The following CDH12 variants were observed in gnomAD, a reference collection of about 807,000 sequenced individuals.
CDH12 encodes cadherin-12.
In CDH12, 41 loss-of-function variants were observed where a neutral mutation model predicts 74.1. The ratio of observed to expected loss-of-function variants is 0.55; its 90% CI spans 0.43 to 0.72. The LOEUF (loss-of-function observed/expected upper bound fraction) is 0.72. Among genes scored for constraint, CDH12 ranks in the 30% least tolerant of loss-of-function variants. The pLI is 0.00. For missense variants in CDH12, 945 were observed against 977.2 expected (o/e 0.97, Z 0.44); for synonymous variants, 399 against 355.0 (o/e 1.12, Z -1.39).
chr5:22,067,282 C>T (rs886655414), intron 5 of CDH12, among the ~76,000 whole-genome samples: 2 of 152,236 alleles, frequency 1.3e-5, no homozygotes, highest in South Asian at 4.2e-4. Context: ...AAATGTATTG[C>T]CATCTACCTC....
chr5:22,086,323 A>C (rs1743064320), intron 4 of CDH12, among the ~76,000 whole-genome samples: 2 of 150,944 alleles, frequency 1.3e-5, no homozygotes. Flanking sequence ...AATTTTATTT[A>C]TATATTTATT....
intron 1 of CDH12, among the ~76,000 whole-genome samples, chr5:22,744,474 T>C (rs1745195946): frequency 6.6e-6 from 1 of 152,130 alleles, no homozygotes; most frequent in Non-Finnish European, 1.5e-5. Context: ...ATACAATGCG[T>C]AAATGTGAAT....
chr5:22,673,594 T>G (rs1232317011), intron 1 of CDH12, among the ~76,000 whole-genome samples: 2 of 152,162 alleles, frequency 1.3e-5, no homozygotes, highest in Non-Finnish European at 2.9e-5. Flanking sequence ...TTTTGCTTAT[T>G]TCTAATGATA....
chr5:21,772,590 T>C (rs1177111193), intron 11 of CDH12, among the ~76,000 whole-genome samples: 11 of 152,206 alleles, frequency 7.2e-5, no homozygotes, highest in African/African-American at 2.7e-4. Context: ...GAATCTTTGA[T>C]ACTAAGAAGT....
chr5:22,486,618 A>T (rs1746611527), intron 2 of CDH12, among the ~76,000 whole-genome samples: 1 of 151,586 alleles, frequency 6.6e-6, no homozygotes, highest in Admixed American at 6.6e-5. Flanking sequence ...TTCCTGGCTA[A>T]TTTTTTTGTA....
chr5:22,077,266 A>C (rs10040639), intron 5 of CDH12, among the ~76,000 whole-genome samples: 47,431 of 151,952 alleles, frequency 0.31, 8,458 homozygotes, highest in African/African-American at 0.5. Flanking sequence ...TATTTAAAGA[A>C]CTTTTCCACT....
At chr5:22,643,711 G>A (rs1739272942) in intron 1 of CDH12, among the ~76,000 whole-genome samples, 1 of 125,100 alleles carries the variant, frequency 8.0e-6, no homozygotes. Context: ...TCATTTTATT[G>A]CGCTTTTGGA....
At chr5:21,923,051 T>C (rs961637180) in intron 6 of CDH12, among the ~76,000 whole-genome samples, 3 of 152,064 alleles carry the variant, frequency 2.0e-5, no homozygotes, top group Admixed American at 2.0e-4. Context: ...TAAACACATA[T>C]TTAAGCAAAG....
At chr5:22,208,333 C>G (rs1247858980) in intron 4 of CDH12, among the ~76,000 whole-genome samples, 2 of 152,144 alleles carry the variant, frequency 1.3e-5, no homozygotes, top group African/African-American at 4.8e-5. Context: ...GCCTGGAATA[C>G]GATACGGGAT....
At chr5:21,927,716 G>A (rs960935500) in intron 6 of CDH12, among the ~76,000 whole-genome samples, 1 of 152,058 alleles carries the variant, frequency 6.6e-6, no homozygotes, top group Non-Finnish European at 1.5e-5. Context: ...AAAGACTGTG[G>A]TCAGGGATTC....
chr5:22,058,600 C>A (rs1740924593), intron 5 of CDH12, among the ~76,000 whole-genome samples: 1 of 147,750 alleles, frequency 6.8e-6, no homozygotes, highest in Admixed American at 6.9e-5. Flanking sequence ...CCTATTATTT[C>A]CTAAATTTCC....
chr5:21,984,854 G>A (rs114923766), intron 5 of CDH12, among the ~76,000 whole-genome samples: 3,908 of 152,128 alleles, frequency 0.026, 141 homozygotes, highest in African/African-American at 0.082. Flanking sequence ...TTTCATATAT[G>A]GATGATTTGC....
intron 2 of CDH12, among the ~76,000 whole-genome samples, chr5:22,412,905 C>A (rs961925476): frequency 3.3e-5 from 5 of 151,862 alleles, no homozygotes; most frequent in African/African-American, 1.2e-4. Context: ...CCTTTTTCTG[C>A]CTGCTTCCAT....
intron 1 of CDH12, among the ~76,000 whole-genome samples, chr5:22,667,702 C>T (rs917384672): frequency 6.6e-6 from 1 of 152,124 alleles, no homozygotes; most frequent in African/African-American, 2.4e-5. Flanking sequence ...TTTTATCCAG[C>T]CCTCCAGTGT....
chr5:22,677,958 A>G (rs900812160), intron 1 of CDH12, among the ~76,000 whole-genome samples: 5 of 151,298 alleles, frequency 3.3e-5, no homozygotes, highest in Admixed American at 2.6e-4. Flanking sequence ...CCTTTTTATA[A>G]GAACAATAAT....
Position 21,760,650 on chromosome 5 carries a change from T to C in CDH12, c.1541A>G (p.Asp514Gly). ...GQIIQIVSAA[D>G]RDLSPAGQQF... ...TTGCCCAGCAGGTGAAAGATCTCGG[T>C]CTGCAGCACTGACTATCTGAATTAT... Residue 514 changes from aspartate (D) to glycine (G), a missense_variant, in exon 13 of 15, where the codon GAC becomes GGC. Transcript: ENST00000382254. The C allele has an allele frequency of 1.2e-6, 2 of 1,605,570 alleles. No individual in the cohort carries two copies. Among genetic ancestry groups the C allele is most frequent in the Non-Finnish European group, 1.7e-6 (2 of 1,173,082 alleles).
chr5:22,309,497 T>C (rs1161248455), intron 3 of CDH12, among the ~76,000 whole-genome samples: 1 of 152,160 alleles, frequency 6.6e-6, no homozygotes, highest in Non-Finnish European at 1.5e-5. Flanking sequence ...TAGAACATGA[T>C]GTCTCGATAT....
intron 6 of CDH12, among the ~76,000 whole-genome samples, chr5:21,880,584 C>CTTCCTTCCCTTCTTTCT (rs1752230277): frequency 2.2e-5 from 1 of 45,610 alleles, no homozygotes; most frequent in Non-Finnish European, 4.3e-5. Flanking sequence ...TCCTTCCTTC[C>CTTCCTTCCCTTCTTTCT]TTCCTTCCTT....
At chr5:21,863,685 T>A (rs1751173220) in intron 6 of CDH12, among the ~76,000 whole-genome samples, 1 of 152,184 alleles carries the variant, frequency 6.6e-6, no homozygotes, top group African/African-American at 2.4e-5. Context: ...ATATTGAATT[T>A]TCTAATGTAC....
Sources: allele counts gnomAD v4.1 joint callset (sites outside exome capture counted in the v4.1 genomes callset), GRCh38; gene constraint gnomAD v4.1.1; transcripts MANE v1.5; gene names NCBI Gene and HGNC (gene_info 2026-07-23, HGNC 2026-07-21).